Variants in SEPTIN3 observed in about 807,000 individuals in gnomAD.
The protein encoded by SEPTIN3 is neuronal-specific septin-3.
SEPTIN3 carries 15 observed loss-of-function variants against 45.1 expected under a neutral mutation model. That is an observed-to-expected ratio of 0.33 (90% CI 0.22 to 0.51). The LOEUF (loss-of-function observed/expected upper bound fraction) is 0.51. Among genes scored for constraint, SEPTIN3 ranks in the 20% least tolerant of loss-of-function variants. The pLI, the probability that SEPTIN3 is intolerant of heterozygous loss-of-function variation, is 0.97. For missense variants in SEPTIN3, 289 were observed against 457.2 expected (o/e 0.63, Z 3.35); for synonymous variants, 148 against 164.8 (o/e 0.90, Z 0.78).
chr22:41,971,596 G>T lies in SEPTIN3; in HGVS notation c.104G>T (p.Arg35Leu), dbSNP rs574589432. The change falls in exon 2 of 12, where the codon CGC (arginine) becomes CTC (leucine). Residue 35 changes from arginine to leucine, a missense_variant. Around this residue, in one of 3 missense-constraint regions of SEPTIN3, gnomAD observed 200 missense variants for 315.1 expected, o/e 0.63. Coordinates refer to ENST00000644076, the MANE Select transcript of SEPTIN3 (RefSeq NM_001363845.2). ...SHSHVLGRPI[R>L]PSRLPGGGSP... ...AGCCATGTGCTGGGGCGCCCTATCC[G>T]CCCCTCGAGACTCCCTGGAGGAGGG... 2.5e-5 allele frequency: 10 copies of T among 398,914 alleles called. No homozygotes were observed. The highest frequency in any genetic ancestry group is 2.1e-4 in the African/African-American group (10 of 48,580). 24.7% of individuals were successfully genotyped at this position (398,914 alleles called of 1,614,324 possible).
chr22:41,974,461 A>G (rs530619628), intron 2 of SEPTIN3, among the ~76,000 whole-genome samples: 4 of 152,100 alleles, frequency 2.6e-5, no homozygotes, highest in South Asian at 2.1e-4. Flanking sequence ...TCAGGAGATC[A>G]AGACCATCCT....
intron 3 of SEPTIN3, among the ~76,000 whole-genome samples, chr22:41,982,907 A>G (rs1218888462): frequency 3.3e-5 from 5 of 151,178 alleles, no homozygotes; most frequent in Non-Finnish European, 5.9e-5. Flanking sequence ...AAAAAGAAGA[A>G]AAAAAAAAGA....
At chr22:41,973,067 A>G in intron 2 of SEPTIN3, 71 bp downstream of exon 2, 1 of 398,196 alleles carries the variant, frequency 2.5e-6, no homozygotes, top group Non-Finnish European at 4.4e-6. Context: ...TTGGAGATGG[A>G]TCATGCTTGC....
In SEPTIN3 at chr22:41,997,250, T is replaced by C; in HGVS notation, c.*283T>C. ...CAGGGTGAAAGAACTCATCAAGAGCTCCTTCTGCCCTTGTAAGCCCATCCC... is the reference window on the plus strand; with the variant it reads ...CAGGGTGAAAGAACTCATCAAGAGCCCCTTCTGCCCTTGTAAGCCCATCCC... On this transcript the variant is annotated 3_prime_UTR_variant, in exon 12 of 12. Coordinates refer to ENST00000644076, the MANE Select transcript of SEPTIN3 (RefSeq NM_001363845.2). 2.2e-6 allele frequency: 1 copy of C among 462,874 alleles called. No individual in the cohort carries two copies. Among genetic ancestry groups the C allele is most frequent in the Admixed American group, 4.0e-5 (1 of 25,220 alleles). 28.7% of individuals were successfully genotyped at this position (462,874 alleles called of 1,614,324 possible).
rs568582457 is a variant in SEPTIN3 at position 41,972,628 on chromosome 22, T to C, written c.1136T>C (p.Ile379Thr). Reference protein sequence around the residue: ...TAKPDMTTEGIAMDSATSDPV... With the variant: ...TAKPDMTTEGTAMDSATSDPV... The stretch of plus-strand genomic sequence containing the variant: ...AAACCAGATATGACCACAGAGGGTA[T>C]AGCCATGGATTCAGCAACATCAGAC... The change falls in exon 2 of 12, where the codon ATA becomes ACA. Residue 379 changes from isoleucine to threonine, a missense_variant. Physicochemically the swap from Ile to Thr is moderately conservative, Grantham distance 89 (BLOSUM62 -1). Coordinates refer to ENST00000644076, the MANE Select transcript of SEPTIN3 (RefSeq NM_001363845.2). The C allele has an allele frequency of 1.3e-5, 5 of 399,082 alleles. No individual in the cohort carries two copies. The highest frequency in any genetic ancestry group is 2.5e-4 in the South Asian group (2 of 7,850). 24.7% of individuals were successfully genotyped at this position (399,082 alleles called of 1,614,324 possible).
chr22:41,981,565 G>A, intron 2 of SEPTIN3, 80 bp from the exon 3 acceptor site: 1 of 1,228,042 alleles, frequency 8.1e-7, no homozygotes, highest in Non-Finnish European at 1.1e-6. Flanking sequence ...TCTGTAGCAA[G>A]AGAAAAATAC....
chr22:41,973,950 C>T (rs1434614453), intron 2 of SEPTIN3, among the ~76,000 whole-genome samples: 1 of 151,760 alleles, frequency 6.6e-6, no homozygotes, highest in Admixed American at 6.6e-5. Flanking sequence ...CACTGCACTC[C>T]AGCCTGGTGA....
At chr22:41,996,851 G>C in intron 11 of SEPTIN3, 51 bp from the exon 12 acceptor site, 1 of 1,610,086 alleles carries the variant, frequency 6.2e-7, no homozygotes, top group Admixed American at 1.7e-5. Context: ...TTATATGTCT[G>C]CTGCCAGCTG....
rs115287165 is a variant in SEPTIN3, at chr22:41,976,018, G to A, written c.1504+3022G>A. On this transcript the variant is annotated intron_variant, in intron 2 of 11. Transcript: ENST00000644076. The surrounding 1 kb of genome is among the most constrained non-coding windows in gnomAD (Gnocchi z 5.8). ...ATTTTCTCTGCTTCAGCGACACCAA[G>A]GACTCTGGGCTGTCCACCAGCACCA... 9.3e-3 allele frequency among the ~76,000 whole-genome samples: 1,412 copies of A among 152,192 alleles called. 18 individuals carry two copies. Among genetic ancestry groups the A allele is most frequent in the African/African-American group, 0.032 (1,341 of 41,512 alleles).
chr22:41,981,540 C>T (rs1269478126), intron 2 of SEPTIN3, 105 bp from the exon 3 acceptor site: 4 of 979,724 alleles, frequency 4.1e-6, no homozygotes, highest in Non-Finnish European at 5.9e-6. Flanking sequence ...CCTTCCAGGC[C>T]CAACTTTGTA....
chr22:41,983,963 G>T (rs2078161776), intron 3 of SEPTIN3, among the ~76,000 whole-genome samples: 1 of 152,166 alleles, frequency 6.6e-6, no homozygotes, highest in African/African-American at 2.4e-5. Context: ...ATGAATGAAT[G>T]CTCTTAGAAA....
chr22:41,980,989 T>C (rs1409218383), intron 2 of SEPTIN3, among the ~76,000 whole-genome samples: 1 of 152,144 alleles, frequency 6.6e-6, no homozygotes, highest in African/African-American at 2.4e-5. Context: ...ACGAGAGTGA[T>C]AGCCACTCTC....
intron 7 of SEPTIN3, among the ~76,000 whole-genome samples, chr22:41,990,881 T>G (rs1056204472): frequency 6.6e-6 from 1 of 150,722 alleles, no homozygotes; most frequent in South Asian, 2.1e-4. Context: ...CTGGCCAACA[T>G]GGTGAAACCC....
intron 3 of SEPTIN3, 186 bp from the exon 4 acceptor site, chr22:41,985,798 C>A: frequency 1.8e-6 from 1 of 559,730 alleles, no homozygotes; most frequent in Non-Finnish European, 3.1e-6. Flanking sequence ...CCAAGGCCCT[C>A]TGCAGTAAGC....
intron 3 of SEPTIN3, among the ~76,000 whole-genome samples, chr22:41,982,486 C>T (rs1273891342): frequency 1.3e-5 from 2 of 152,004 alleles, no homozygotes; most frequent in Admixed American, 6.6e-5. Flanking sequence ...CCAGCCTGGG[C>T]AACAAGAGTG....
Position 41,972,503 on chromosome 22 carries a change from T to A in SEPTIN3, c.1011T>A (p.Asn337Lys). 2.5e-6 allele frequency: 1 copy of A among 399,088 alleles called. No homozygotes were observed. Among genetic ancestry groups the A allele is most frequent in the Non-Finnish European group, 4.4e-6 (1 of 226,102 alleles). 24.7% of individuals were successfully genotyped at this position (399,088 alleles called of 1,614,324 possible). A position where few individuals can be genotyped will look rare whatever the true frequency, so the allele number is the denominator to read the frequency against. ...CAATCAAGCCGGGCACAGCCATGAA[T>A]CTGACTACAGTTGGGACAACCAAGC... Reference protein sequence around the residue: ...AGTIKPGTAMNLTTVGTTKPG... With the variant: ...AGTIKPGTAMKLTTVGTTKPG... Residue 337 changes from asparagine to lysine, a missense_variant, in exon 2 of 12, where the codon AAT becomes AAA. By Grantham distance (94) the Asn-to-Lys change is moderately conservative (BLOSUM62 0). This residue lies in a region of SEPTIN3 where 200 missense variants were observed against 315.1 expected (regional missense o/e 0.63). Transcript: ENST00000644076.
At chr22:41,974,927 G>A (rs183518343) in intron 2 of SEPTIN3, among the ~76,000 whole-genome samples, 257 of 145,882 alleles carry the variant, frequency 1.8e-3, no homozygotes, top group African/African-American at 6.3e-3. Flanking sequence ...ACTGACTAGC[G>A]CTTTAGGAAG....
At position 41,986,088 on chromosome 22, in the gene SEPTIN3, G is replaced by A; in HGVS notation, c.1801G>A (p.Val601Met). Residue 601 changes from valine (V) to methionine (M), a missense_variant, in exon 4 of 12, where the codon GTG becomes ATG. Physicochemically the swap from Val to Met is conservative, Grantham distance 21 (BLOSUM62 1). Around this residue, in one of 3 missense-constraint regions of SEPTIN3, gnomAD observed 200 missense variants for 315.1 expected, o/e 0.63. Coordinates refer to ENST00000644076, the MANE Select transcript of SEPTIN3 (RefSeq NM_001363845.2). ...CCGGGAGGAGAAGATCCCCAAGACA[G>A]TGGAGATCAAAGCTATCGGGCATGG... The part of the protein sequence containing the change: ...WNREEKIPKT[V>M]EIKAIGHVIE... 6.2e-7 allele frequency: 1 copy of A among 1,613,600 alleles called. No individual in the cohort carries two copies. The highest frequency in any genetic ancestry group is 2.2e-5 in the East Asian group (1 of 44,860).
chr22:41,994,494 A>G lies in SEPTIN3; in HGVS notation c.2412-127A>G. The G allele has an allele frequency of 6.5e-7, 1 of 1,536,806 alleles. No individual in the cohort carries two copies. Among genetic ancestry groups the G allele is most frequent in the African/African-American group, 1.4e-5 (1 of 73,294 alleles). On this transcript the variant is annotated intron_variant, in intron 10 of 11. Transcript: ENST00000644076. This position sits in a 1 kb window ranked among gnomAD's most constrained non-coding sequence, Gnocchi z 4.2. The stretch of plus-strand genomic sequence containing the variant: ...CCTGTTGCAAAATGGAAGGTGCTGT[A>G]GAAGAATCCTTAGCTCCTGGGAGTG...
Sources: gnomAD v4.1 joint callset for allele counts (sites outside exome capture counted in the v4.1 genomes callset) on GRCh38, gnomAD v4.1.1 for gene constraint, gnomAD v4.1.1 regional missense constraint, Gnocchi (gnomAD v3.1) non-coding constraint, MANE v1.5 for transcripts, NCBI Gene and HGNC (gene_info 2026-07-23, HGNC 2026-07-21) for gene names.